Variants in MBOAT2 observed in about 807,000 individuals in gnomAD.
MBOAT2 encodes membrane-bound glycerophospholipid O-acyltransferase 2.
Under a neutral mutation model 63.4 loss-of-function variants are expected in MBOAT2, and 28 were observed. That is an observed-to-expected ratio of 0.44 (90% CI 0.33 to 0.61). MBOAT2 has a LOEUF of 0.61. MBOAT2 is among the 20% of genes least tolerant of loss of function. The pLI is 0.03. For synonymous variants in MBOAT2, 211 were observed against 215.6 expected (o/e 0.98, Z 0.19); for missense variants, 470 against 605.8 (o/e 0.78, Z 2.35).
Position 8,854,746 on chromosome 2 carries a change from C to T in MBOAT2, c.*3933G>A, listed in dbSNP as rs1383234618. The T allele has an allele frequency of 6.6e-6, 1 of 152,172 alleles. No individual in the cohort carries two copies. 9.4% of individuals were successfully genotyped at this position (152,172 alleles called of 1,614,324 possible). A position where few individuals can be genotyped will look rare whatever the true frequency, so the allele number is the denominator to read the frequency against. On this transcript the variant is annotated 3_prime_UTR_variant, in exon 13 of 13. Transcript: ENST00000305997. ...AATAGGAGAGATTTTTGTCCTAAAA[C>T]TGTGATCTAGTCCTTGAGTAAAAGT...
chr2:8,910,293 AG>A, intron 3 of MBOAT2, among the ~76,000 whole-genome samples: 2 of 152,170 alleles, frequency 1.3e-5, no homozygotes, highest in South Asian at 4.2e-4. Context: ...GGAAGGAAAG[AG>A]GGGTGAAGGA....
intron 3 of MBOAT2, among the ~76,000 whole-genome samples, chr2:8,912,413 A>AAGAAAGAAAGAAAGACAGAC (rs1274023844): frequency 7.3e-6 from 1 of 136,874 alleles, no homozygotes; most frequent in African/African-American, 2.7e-5. Context: ...GAAAGAAAGA[A>AAGAAAGAAAGAAAGACAGAC]AGACAGGCCG....
chr2:8,915,240 G>A (rs915849636), intron 3 of MBOAT2, among the ~76,000 whole-genome samples: 2 of 152,048 alleles, frequency 1.3e-5, no homozygotes, highest in African/African-American at 4.8e-5. Flanking sequence ...TGCCCAGCCG[G>A]AAAGTTTTAA....
chr2:8,924,127 T>C (rs763360322), intron 3 of MBOAT2, among the ~76,000 whole-genome samples: 26 of 152,254 alleles, frequency 1.7e-4, no homozygotes, highest in Middle Eastern at 3.4e-3. Flanking sequence ...ATAGAAGAAT[T>C]TTTTTAAACC....
intron 1 of MBOAT2, among the ~76,000 whole-genome samples, chr2:8,994,307 T>C (rs756253487): frequency 1.3e-5 from 2 of 152,210 alleles, no homozygotes; most frequent in Non-Finnish European, 2.9e-5. Context: ...ATGATGGGAC[T>C]GTTCGGAGGG....
chr2:8,972,148 T>C (rs1404195850), intron 1 of MBOAT2, among the ~76,000 whole-genome samples: 1 of 152,124 alleles, frequency 6.6e-6, no homozygotes, highest in Non-Finnish European at 1.5e-5. Context: ...CAAAACAGCA[T>C]AGTACTGGTA....
At chr2:9,002,906 C>T (rs968623793) in intron 1 of MBOAT2, among the ~76,000 whole-genome samples, 4 of 152,212 alleles carry the variant, frequency 2.6e-5, no homozygotes, top group African/African-American at 9.7e-5. Context: ...TTAACTCCGA[C>T]TTTTCTTCAT....
chr2:8,990,327 A>T (rs1462942756), intron 1 of MBOAT2, among the ~76,000 whole-genome samples: 1 of 152,172 alleles, frequency 6.6e-6, no homozygotes, highest in Non-Finnish European at 1.5e-5. Flanking sequence ...AAAATAGGAA[A>T]AGTAGTTTAA....
intron 5 of MBOAT2, among the ~76,000 whole-genome samples, chr2:8,886,022 A>AT (rs1663524228): frequency 6.6e-6 from 1 of 152,164 alleles, no homozygotes; most frequent in Admixed American, 6.5e-5. Context: ...AATGTCCCCT[A>AT]TGTCTAGCCT....
chr2:8,885,843 C>T (rs2148546441), intron 5 of MBOAT2, among the ~76,000 whole-genome samples: 1 of 152,282 alleles, frequency 6.6e-6, no homozygotes, highest in Non-Finnish European at 1.5e-5. Flanking sequence ...ACAGACACAG[C>T]TGTAGGTAAT....
At chr2:8,867,402 C>T (rs1448369361) in intron 9 of MBOAT2, among the ~76,000 whole-genome samples, 3 of 152,188 alleles carry the variant, frequency 2.0e-5, no homozygotes, top group Non-Finnish European at 2.9e-5. Context: ...ACTCTCACCT[C>T]TTCTGATTCT....
At chr2:8,882,397 G>C in intron 6 of MBOAT2, 114 bp downstream of exon 6, 1 of 1,061,014 alleles carries the variant, frequency 9.4e-7, no homozygotes, top group South Asian at 1.4e-5. Flanking sequence ...AGTGAGGCTT[G>C]ATTTTCAGAA....
intron 3 of MBOAT2, among the ~76,000 whole-genome samples, chr2:8,920,973 T>C (rs186320111): frequency 3.3e-5 from 5 of 152,206 alleles, no homozygotes; most frequent in Admixed American, 3.3e-4. Flanking sequence ...TCCACTCTTT[T>C]ACCTTCAGCC....
chr2:8,861,821 C>A (rs1197958448), intron 11 of MBOAT2, among the ~76,000 whole-genome samples: 1 of 152,176 alleles, frequency 6.6e-6, no homozygotes, highest in Non-Finnish European at 1.5e-5. Context: ...AAGGTATGTA[C>A]ACACATATAC....
At chr2:8,991,187 T>TCTTTGGC (rs1169766651) in intron 1 of MBOAT2, among the ~76,000 whole-genome samples, 1 of 152,116 alleles carries the variant, frequency 6.6e-6, no homozygotes, top group Non-Finnish European at 1.5e-5. Context: ...TGGCCAAAAA[T>TCTTTGGC]CAATATACAC....
At chr2:8,887,988 A>G (rs1199044097) in intron 5 of MBOAT2, 30 bp downstream of exon 5, 1 of 1,592,084 alleles carries the variant, frequency 6.3e-7, no homozygotes, top group African/African-American at 1.3e-5. Context: ...AAATTTTTTC[A>G]GCAATAAAAA....
rs773691740 is a variant in MBOAT2 at position 8,862,149 on chromosome 2, A to G, written c.1185+441T>C. On this transcript the variant is annotated intron_variant, in intron 11 of 12. Coordinates refer to ENST00000305997, the MANE Select transcript of MBOAT2 (RefSeq NM_138799.4). The surrounding 1 kb of genome is among the most constrained non-coding windows in gnomAD (Gnocchi z 4.3). ...TATGTTCTGTCTAGGCAAATACTCT[A>G]AAGAACTGTGTCCTCTTCCAGTGTG... The G allele has an allele frequency of 5.0e-6, 2 of 396,894 alleles. No homozygotes were observed. The highest frequency in any genetic ancestry group is 4.2e-6 in the Non-Finnish European group (1 of 235,298). 24.6% of individuals were successfully genotyped at this position (396,894 alleles called of 1,614,324 possible). A position where few individuals can be genotyped will look rare whatever the true frequency, so the allele number is the denominator to read the frequency against.
chr2:8,978,038 A>G (rs926386964), intron 1 of MBOAT2, among the ~76,000 whole-genome samples: 1 of 152,038 alleles, frequency 6.6e-6, no homozygotes, highest in Non-Finnish European at 1.5e-5. Flanking sequence ...GTCAGTCCCT[A>G]CACAGCAGCC....
chr2:8,962,599 G>A (rs1012617024), intron 1 of MBOAT2, among the ~76,000 whole-genome samples: 32 of 152,052 alleles, frequency 2.1e-4, no homozygotes, highest in African/African-American at 7.7e-4. Context: ...GTAGCAAGAG[G>A]GACCTTTGGT....
Sources: allele counts gnomAD v4.1 joint callset (sites outside exome capture counted in the v4.1 genomes callset), GRCh38; gene constraint gnomAD v4.1.1; non-coding constraint Gnocchi (gnomAD v3.1); transcripts MANE v1.5; gene names NCBI Gene and HGNC (gene_info 2026-07-23, HGNC 2026-07-21).